ALK: variants seen among roughly 807,000 people sequenced by gnomAD.
ALK encodes ALK tyrosine kinase receptor.
A neutral mutation model predicts 163.1 loss-of-function variants in ALK; 74 were observed. The ratio of observed to expected loss-of-function variants is 0.45; its 90% confidence interval spans 0.38 to 0.55. The LOEUF (loss-of-function observed/expected upper bound fraction) is 0.55. Ranked by LOEUF, ALK falls within the 20% of genes least tolerant of loss-of-function variation. The pLI is 0.00. For synonymous variants in ALK, 960 were observed against 843.2 expected, an observed-to-expected ratio of 1.14 and a Z score of -2.40; for missense variants, 2,063 against 2,105.3, an observed-to-expected ratio of 0.98 and a Z score of 0.39.
In ALK at chr2:29,213,970, T is replaced by A. The variant is rs2148159194; in HGVS notation, c.3743+14A>T. ...CGACAGGATGACAGGAAGAGCACAG[T>A]CACTTTGACTCACCGGTGGATGAAG... On this transcript the variant is annotated intron_variant, in intron 24 of 28. Transcript: ENST00000389048. 1.2e-6 allele frequency: 2 copies of A among 1,608,358 alleles called. No homozygotes were observed. The highest frequency in any genetic ancestry group is 2.7e-5 in the African/African-American group (2 of 74,928).
intron 4 of ALK, among the ~76,000 whole-genome samples, chr2:29,453,822 A>G (rs1250184126): frequency 1.3e-5 from 2 of 152,078 alleles, no homozygotes; most frequent in Non-Finnish European, 2.9e-5. Flanking sequence ...AAGATGTGAA[A>G]CAGAACAGGC....
At chr2:29,519,233 A>G (rs1417465642) in intron 4 of ALK, among the ~76,000 whole-genome samples, 3 of 152,212 alleles carry the variant, frequency 2.0e-5, no homozygotes, top group African/African-American at 7.2e-5. Context: ...TGAGCATTCT[A>G]CTGCTGGAGT....
At chr2:29,875,946 A>C (rs995799226) in intron 1 of ALK, among the ~76,000 whole-genome samples, 2 of 152,230 alleles carry the variant, frequency 1.3e-5, no homozygotes, top group African/African-American at 4.8e-5. Flanking sequence ...GTATCTACCC[A>C]GTAATGGGAT....
intron 1 of ALK, among the ~76,000 whole-genome samples, chr2:29,827,256 T>C (rs1282157848): frequency 2.0e-5 from 3 of 152,222 alleles, no homozygotes; most frequent in Non-Finnish European, 4.4e-5. Flanking sequence ...GATTATTTTA[T>C]AGATGAGAAA....
At position 29,332,285 on chromosome 2, in the gene ALK, CAAAAAAAAAAAAAAAAAAAA is replaced by C. The variant is rs57598066; in HGVS notation, c.1283-3824_1283-3805del. Among the ~76,000 whole-genome samples, 97 of 18,354 alleles carry C rather than the reference CAAAAAAAAAAAAAAAAAAAA, an allele frequency of 5.3e-3. 1 individual carries two copies. The South Asian group carries it at 0.16, about 30-fold the overall frequency. 12.0% of individuals were successfully genotyped at this position (18,354 alleles called of 152,430 possible). A position where few individuals can be genotyped will look rare whatever the true frequency, so the allele number is the denominator to read the frequency against. On this transcript the variant is annotated intron_variant, in intron 5 of 28. Coordinates refer to ENST00000389048, the MANE Select transcript of ALK (RefSeq NM_004304.5). The stretch of plus-strand genomic sequence containing the variant: ...TAGGAGACAGAGTGAGACTCCATCT[CAAAAAAAAAAAAAAAAAAAA>C]AAAAAAAAAAAAAAAAAAAGTCTAT...
intron 18 of ALK, among the ~76,000 whole-genome samples, chr2:29,226,215 A>C (rs1441788521): frequency 2.0e-5 from 3 of 152,032 alleles, no homozygotes; most frequent in Non-Finnish European, 4.4e-5. Flanking sequence ...GCGGTGGCTC[A>C]CACCTGTAAT....
rs34706620 is a variant in ALK, at chr2:29,844,859, G to GCACACA, written c.667+75128_667+75133dup. Among the ~76,000 whole-genome samples the GCACACA allele has an allele frequency of 5.0e-3, 751 of 148,732 alleles. 6 individuals are homozygous for GCACACA. The highest frequency in any genetic ancestry group is 0.01 in the East Asian group (52 of 5,000). On this transcript the variant is annotated intron_variant, in intron 1 of 28. Coordinates refer to ENST00000389048, the MANE Select transcript of ALK (RefSeq NM_004304.5). ...TCACCTTCACCCTGATAACCCCCCT[G>GCACACA]CACACACACACACACACACACACAC...
chr2:29,208,386 T>C (rs1195046758), intron 25 of ALK, among the ~76,000 whole-genome samples: 2 of 152,102 alleles, frequency 1.3e-5, no homozygotes, highest in Admixed American at 1.3e-4. Flanking sequence ...GAGCTGAGCC[T>C]GGGAAGGAAA....
chr2:29,818,618 T>G (rs1359594611), intron 1 of ALK, among the ~76,000 whole-genome samples: 2 of 152,238 alleles, frequency 1.3e-5, no homozygotes, highest in East Asian at 3.8e-4. Flanking sequence ...TTCCGTTGCA[T>G]AAGAAATATA....
At chr2:29,880,346 T>C (rs964835855) in intron 1 of ALK, among the ~76,000 whole-genome samples, 23 of 152,168 alleles carry the variant, frequency 1.5e-4, no homozygotes, top group African/African-American at 5.3e-4. Flanking sequence ...AATGGGGTGA[T>C]GGTCTGACCT....
At chr2:29,538,787 T>C (rs537991816) in intron 3 of ALK, among the ~76,000 whole-genome samples, 25 of 152,306 alleles carry the variant, frequency 1.6e-4, no homozygotes, top group Non-Finnish European at 2.5e-4. Flanking sequence ...TTCTAAATAT[T>C]ATAATCATAG....
chr2:29,554,857 C>G (rs1673805625), intron 3 of ALK, among the ~76,000 whole-genome samples: 1 of 152,122 alleles, frequency 6.6e-6, no homozygotes, highest in African/African-American at 2.4e-5. Context: ...CCAGCCCAAC[C>G]CCACCAAAAC....
intron 9 of ALK, among the ~76,000 whole-genome samples, chr2:29,284,219 T>A (rs1665789322): frequency 6.6e-6 from 1 of 151,978 alleles, no homozygotes; most frequent in Non-Finnish European, 1.5e-5. Context: ...GTCAGGCAGC[T>A]GGAAACCCAG....
chr2:29,374,432 G>GA (rs34034791), intron 5 of ALK, among the ~76,000 whole-genome samples: 9,969 of 139,022 alleles, frequency 0.072, 363 homozygotes, highest in Middle Eastern at 0.12. Context: ...TGCTTGCCAT[G>GA]AAAAAAAAAA....
At chr2:29,492,520 A>G (rs1671925817) in intron 4 of ALK, among the ~76,000 whole-genome samples, 1 of 152,154 alleles carries the variant, frequency 6.6e-6, no homozygotes, top group African/African-American at 2.4e-5. Context: ...CCCACACTGG[A>G]CCCTATTCAG....
intron 3 of ALK, among the ~76,000 whole-genome samples, chr2:29,688,209 G>A (rs1678293679): frequency 1.3e-5 from 2 of 152,318 alleles, no homozygotes; most frequent in Admixed American, 6.5e-5. Context: ...TCCCTGGCCA[G>A]CACAGCCCAT....
chr2:29,519,230 T>G (rs1057197989), intron 4 of ALK, among the ~76,000 whole-genome samples: 1 of 152,202 alleles, frequency 6.6e-6, no homozygotes, highest in Non-Finnish European at 1.5e-5. Context: ...TGGTGAGCAT[T>G]CTACTGCTGG....
chr2:29,525,840 T>C (rs1672945743), intron 4 of ALK, among the ~76,000 whole-genome samples: 1 of 151,102 alleles, frequency 6.6e-6, no homozygotes, highest in Admixed American at 6.6e-5. Context: ...GTATGAAGTT[T>C]GTAAAATGTG....
chr2:29,403,354 T>C (rs1180464521), intron 4 of ALK, among the ~76,000 whole-genome samples: 1 of 152,090 alleles, frequency 6.6e-6, no homozygotes, highest in East Asian at 1.9e-4. Flanking sequence ...TACCAGAATA[T>C]CAGGAAAGCA....
Sources: gnomAD v4.1 joint callset for allele counts (sites outside exome capture counted in the v4.1 genomes callset) on GRCh38, gnomAD v4.1.1 for gene constraint, MANE v1.5 for transcripts, NCBI Gene and HGNC (gene_info 2026-07-23, HGNC 2026-07-21) for gene names.